Variants in LDB2 observed in about 807,000 individuals in gnomAD.
LDB2 encodes the protein LIM domain-binding protein 2.
In LDB2, 12 loss-of-function variants were observed where a neutral mutation model predicts 44.3. The observed-to-expected ratio is 0.27, with a 90% CI of 0.17 to 0.44. The LOEUF is 0.44. Ranked by LOEUF, LDB2 falls within the 20% of genes least tolerant of loss-of-function variation. LDB2 has a pLI of 1.00. For missense variants in LDB2, 344 were observed against 473.5 expected, an observed-to-expected ratio of 0.73 and a Z score of 2.54; for synonymous variants, 164 against 174.8, an observed-to-expected ratio of 0.94 and a Z score of 0.49.
chr4:16,701,810 C>A (rs1450350575), intron 2 of LDB2, among the ~76,000 whole-genome samples: 1 of 152,166 alleles, frequency 6.6e-6, no homozygotes, highest in African/African-American at 2.4e-5. Context: ...TTTTCCTCTT[C>A]TGTAAGTTCG....
intron 2 of LDB2, among the ~76,000 whole-genome samples, chr4:16,744,722 C>T (rs1318609566): frequency 3.3e-5 from 5 of 152,144 alleles, no homozygotes; most frequent in East Asian, 1.9e-4. Flanking sequence ...GTGATCTGCC[C>T]GCCTCGGCCT....
intron 2 of LDB2, among the ~76,000 whole-genome samples, chr4:16,735,454 C>T (rs1052979845): frequency 1.3e-5 from 2 of 151,950 alleles, no homozygotes; most frequent in African/African-American, 2.4e-5. Flanking sequence ...GTAGTTAGTG[C>T]CCACTGTGGG....
chr4:16,713,019 A>C (rs918480823), intron 2 of LDB2, among the ~76,000 whole-genome samples: 1 of 152,264 alleles, frequency 6.6e-6, no homozygotes, highest in African/African-American at 2.4e-5. Flanking sequence ...ACTATTTGGC[A>C]ATAGAAAGGA....
chr4:16,641,593 A>C (rs1221928638), intron 2 of LDB2, among the ~76,000 whole-genome samples: 1 of 151,872 alleles, frequency 6.6e-6, no homozygotes, highest in Non-Finnish European at 1.5e-5. Flanking sequence ...GAGGTCCCAG[A>C]CTCTTTTTAA....
intron 5 of LDB2, among the ~76,000 whole-genome samples, chr4:16,560,270 T>TC (rs1741544161): frequency 6.6e-6 from 1 of 151,598 alleles, no homozygotes; most frequent in African/African-American, 2.4e-5. Flanking sequence ...AATTAATGAA[T>TC]CCCGGGGCTG....
At chr4:16,693,361 T>TTTC (rs1399800563) in intron 2 of LDB2, among the ~76,000 whole-genome samples, 58 of 147,528 alleles carry the variant, frequency 3.9e-4, no homozygotes, top group African/African-American at 1.1e-3. Flanking sequence ...TTTTTTTTTT[T>TTTC]TTTTTTTTGA....
intron 2 of LDB2, among the ~76,000 whole-genome samples, chr4:16,757,138 G>C (rs982228071): frequency 6.6e-6 from 1 of 152,142 alleles, no homozygotes; most frequent in Non-Finnish European, 1.5e-5. Flanking sequence ...AGGTACCAGC[G>C]CCTGAGCTCA....
At chr4:16,810,379 G>T (rs1221307473) in intron 1 of LDB2, among the ~76,000 whole-genome samples, 3 of 152,048 alleles carry the variant, frequency 2.0e-5, no homozygotes, top group Non-Finnish European at 4.4e-5. Flanking sequence ...TATCTATGTT[G>T]AACTTTATTA....
intron 1 of LDB2, among the ~76,000 whole-genome samples, chr4:16,822,029 T>A (rs1405364800): frequency 6.6e-6 from 1 of 152,034 alleles, no homozygotes; most frequent in Non-Finnish European, 1.5e-5. Context: ...TAGACTCATA[T>A]CTTAGCTCTG....
chr4:16,734,464 G>A (rs1761428966), intron 2 of LDB2, among the ~76,000 whole-genome samples: 1 of 152,160 alleles, frequency 6.6e-6, no homozygotes, highest in African/African-American at 2.4e-5. Context: ...TTGTTGTCAT[G>A]AATGAAATGA....
At chr4:16,541,510 T>C (rs1733755966) in intron 5 of LDB2, among the ~76,000 whole-genome samples, 1 of 152,192 alleles carries the variant, frequency 6.6e-6, no homozygotes, top group African/African-American at 2.4e-5. Flanking sequence ...TATTTCTTAA[T>C]AGCGATGCAA....
rs1009083421 is a variant in LDB2, at chr4:16,558,115, A to G, written c.615+27807T>C. 4.0e-5 allele frequency among the ~76,000 whole-genome samples: 6 copies of G among 151,534 alleles called. No individual in the cohort carries two copies. In the South Asian group the frequency reaches 1.2e-3, roughly 32 times the overall value. On this transcript the variant is annotated intron_variant, in intron 5 of 7. Transcript: ENST00000304523. Reference sequence around the variant, plus strand: ...AGTAGATAAAACCACAAAGATGGGGAAAAAACAGAGCAGAAAAACTGGAAA... The same window carrying G: ...AGTAGATAAAACCACAAAGATGGGGGAAAAACAGAGCAGAAAAACTGGAAA...
chr4:16,681,796 C>T (rs2152568681), intron 2 of LDB2, among the ~76,000 whole-genome samples: 1 of 151,938 alleles, frequency 6.6e-6, no homozygotes, highest in Admixed American at 6.6e-5. Context: ...TGGTCTGGAT[C>T]TTCTGACCTC....
intron 1 of LDB2, among the ~76,000 whole-genome samples, chr4:16,795,731 G>A (rs892900188): frequency 6.6e-6 from 1 of 152,142 alleles, no homozygotes; most frequent in African/African-American, 2.4e-5. Context: ...CCTTGAGAAT[G>A]AGGACTCAGG....
intron 2 of LDB2, among the ~76,000 whole-genome samples, chr4:16,703,467 C>A (rs1467451776): frequency 6.6e-6 from 1 of 152,102 alleles, no homozygotes; most frequent in Non-Finnish European, 1.5e-5. Flanking sequence ...AGTTTTTATC[C>A]AAGGGTAATC....
chr4:16,632,484 G>A (rs940266572), intron 2 of LDB2, among the ~76,000 whole-genome samples: 62 of 152,282 alleles, frequency 4.1e-4, no homozygotes, highest in African/African-American at 1.4e-3. Flanking sequence ...CATACTGAAT[G>A]GGCCAAAACT....
chr4:16,631,698 T>C (rs1364103043), intron 2 of LDB2, among the ~76,000 whole-genome samples: 2 of 151,794 alleles, frequency 1.3e-5, no homozygotes, highest in Non-Finnish European at 2.9e-5. Context: ...GCAAGACTGA[T>C]AAAGAAGAAA....
chr4:16,875,740 C>T (rs1371966173), intron 1 of LDB2, among the ~76,000 whole-genome samples: 1 of 152,160 alleles, frequency 6.6e-6, no homozygotes. Flanking sequence ...AAGCAGACGG[C>T]CAAGGATAGG....
intron 1 of LDB2, among the ~76,000 whole-genome samples, chr4:16,875,247 G>A (rs1718008917): frequency 6.6e-6 from 1 of 151,988 alleles, no homozygotes; most frequent in South Asian, 2.1e-4. Context: ...ATCAGGGTAG[G>A]GTTTCTGGGG....
Sources: allele counts gnomAD v4.1 joint callset (sites outside exome capture counted in the v4.1 genomes callset), GRCh38; gene constraint gnomAD v4.1.1; transcripts MANE v1.5; gene names NCBI Gene and HGNC (gene_info 2026-07-23, HGNC 2026-07-21).